VASH1: variants seen among roughly 807,000 people sequenced by gnomAD.
The protein encoded by VASH1 is tubulinyl-Tyr carboxypeptidase 1.
In VASH1, 16 loss-of-function variants were observed where a neutral mutation model predicts 35.0. That is an observed-to-expected ratio of 0.46 (90% CI 0.31 to 0.70). The LOEUF is 0.70. VASH1 is among the 30% of genes least tolerant of loss of function. The pLI is 0.05. For missense variants in VASH1, 505 were observed against 510.7 expected (o/e 0.99, Z 0.11); for synonymous variants, 214 against 200.9 (o/e 1.07, Z -0.55).
rs150621455 is a variant in VASH1 at position 76,762,548 on chromosome 14, G to A, written c.-274G>A. 1.6e-5 allele frequency: 5 copies of A among 314,272 alleles called. No individual in the cohort carries two copies. The highest frequency in any genetic ancestry group is 6.4e-5 in the African/African-American group (3 of 46,794). The allele number at this position is 314,272 out of a possible 1,614,324, so 19.5% of individuals were successfully genotyped here. A position where few individuals can be genotyped will look rare whatever the true frequency, so the allele number is the denominator to read the frequency against. On this transcript the variant is annotated 5_prime_UTR_variant, in exon 1 of 7. Coordinates refer to ENST00000167106, the MANE Select transcript of VASH1 (RefSeq NM_014909.5). ...AGTTAGATGGGGGTGCTTTGTGACG[G>A]CTGCCAAGTTGGGGTGTGTTCTCTT...
chr14:76,776,529 G>A (rs1411027230), intron 5 of VASH1, among the ~76,000 whole-genome samples: 1 of 152,100 alleles, frequency 6.6e-6, no homozygotes, highest in African/African-American at 2.4e-5. Context: ...GAGAATCACG[G>A]CCTGTCTGGA....
chr14:76,771,274 C>T (rs1439663568), intron 3 of VASH1, 28 bp downstream of exon 3: 1 of 1,570,406 alleles, frequency 6.4e-7, no homozygotes, highest in Non-Finnish European at 8.6e-7. Flanking sequence ...AGTCCTCTGC[C>T]CCAGGGCTGG....
At chr14:76,769,932 C>T (rs199598173) in intron 1 of VASH1, 31 bp from the exon 2 acceptor site, 2 of 1,608,982 alleles carry the variant, frequency 1.2e-6, no homozygotes, top group African/African-American at 1.3e-5. Flanking sequence ...TGAGCCTCTT[C>T]TTGTGACCGG....
chr14:76,780,334 G>C lies in VASH1; in HGVS notation c.*1316G>C, dbSNP rs1469203662. ...GATCAGGCTGCTTGAGGAGTAATGG[G>C]TTACCTACAGCAGAGACGAGATGGC... is the stretch of plus-strand genomic sequence containing the variant. On this transcript the variant is annotated 3_prime_UTR_variant, in exon 7 of 7. Coordinates refer to ENST00000167106, the MANE Select transcript of VASH1 (RefSeq NM_014909.5). 1 of 152,408 alleles carries C rather than the reference G, an allele frequency of 6.6e-6. No homozygotes were observed. Among genetic ancestry groups the C allele is most frequent in the Non-Finnish European group, 1.5e-5 (1 of 68,180 alleles). 9.4% of individuals were successfully genotyped at this position (152,408 alleles called of 1,614,324 possible).
Position 76,762,489 on chromosome 14 carries a change from G to A in VASH1, c.-333G>A. The A allele has an allele frequency of 4.9e-6, 1 of 204,616 alleles. No individual in the cohort carries two copies. The highest frequency in any genetic ancestry group is 9.7e-6 in the Non-Finnish European group (1 of 103,214). The allele number at this position is 204,616 out of a possible 1,614,324, so 12.7% of individuals were successfully genotyped here. A position where few individuals can be genotyped will look rare whatever the true frequency, so the allele number is the denominator to read the frequency against. ...TTTCCCTCCGACTTTTCTCCGCTCT[G>A]CCAGCCCTCACTGCTGCCCGTCATT... On this transcript the variant is annotated 5_prime_UTR_variant, in exon 1 of 7. Transcript: ENST00000167106.
Position 76,763,483 on chromosome 14 carries a change from A to G in VASH1, c.309+353A>G, listed in dbSNP as rs143480065. Among the ~76,000 whole-genome samples the G allele has an allele frequency of 9.2e-5, 14 of 152,374 alleles. No homozygotes were observed. The East Asian group carries it at 2.5e-3, about 27-fold the overall frequency. On this transcript the variant is annotated intron_variant, in intron 1 of 6. Coordinates refer to ENST00000167106, the MANE Select transcript of VASH1 (RefSeq NM_014909.5). ...GAACTGTGAGCAGACAAATGTAATG[A>G]ATGACTAAGGAGATGCAGGGCTTCA... is the stretch of plus-strand genomic sequence containing the variant.
At position 76,770,019 on chromosome 14, in the gene VASH1, G is replaced by A. The variant is rs1156272896; in HGVS notation, c.366G>A (p.Leu122=). 3 of 1,613,988 alleles carry A rather than the reference G, an allele frequency of 1.9e-6. No individual in the cohort carries two copies. The highest frequency in any genetic ancestry group is 1.1e-5 in the South Asian group (1 of 91,090). The part of the protein sequence containing the change: ...FQPSTPVPER[L]EAVQRYIREL... ...CGTCTACACCTGTCCCTGAGCGCCT[G>A]GAAGCTGTGCAGCGCTACATCAGAG... is the stretch of plus-strand genomic sequence containing the variant. The change falls in exon 2 of 7, where the codon CTG becomes CTA. Residue 122 remains leucine (L), a synonymous_variant. Transcript: ENST00000167106.
chr14:76,771,319 G>A, intron 3 of VASH1, 73 bp downstream of exon 3: 1 of 1,393,758 alleles, frequency 7.2e-7, no homozygotes, highest in Non-Finnish European at 9.5e-7. Context: ...AGTGCACCTT[G>A]GAGAGGAAGT....
rs1362829530 is a variant in VASH1 at position 76,762,701 on chromosome 14, C to A, written c.-121C>A. On this transcript the variant is annotated 5_prime_UTR_variant, in exon 1 of 7. Transcript: ENST00000167106. The stretch of plus-strand genomic sequence containing the variant: ...CGTATTTTATTGTACAGGAGCCACG[C>A]CCTGATTTCTTAAAGGCGCCTTGCA... The A allele has an allele frequency of 5.9e-6, 5 of 844,010 alleles. No homozygotes were observed. The highest frequency in any genetic ancestry group is 8.6e-6 in the Non-Finnish European group (5 of 582,544). The allele number at this position is 844,010 out of a possible 1,614,324, so 52.3% of individuals were successfully genotyped here.
At chr14:76,768,335 A>G (rs1160082420) in intron 1 of VASH1, among the ~76,000 whole-genome samples, 1 of 151,638 alleles carries the variant, frequency 6.6e-6, no homozygotes, top group Non-Finnish European at 1.5e-5. Context: ...GGGGAGGGGG[A>G]GCAATGTGAA....
chr14:76,778,172 CTCTT>C (rs1894000104), intron 6 of VASH1, 101 bp downstream of exon 6: 2 of 859,678 alleles, frequency 2.3e-6, no homozygotes, highest in South Asian at 5.1e-5. Context: ...CCACCCTTCT[CTCTT>C]TTTCGCTCCC....
rs1893532761 is a variant in VASH1 at position 76,762,629 on chromosome 14, C to G, written c.-193C>G. The stretch of plus-strand genomic sequence containing the variant: ...CAAGGCTGACCCCAGACAACCCACC[C>G]CCTCGGACCCTAATTCACCTTATTG... On this transcript the variant is annotated 5_prime_UTR_variant, in exon 1 of 7. Coordinates refer to ENST00000167106, the MANE Select transcript of VASH1 (RefSeq NM_014909.5). The G allele has an allele frequency of 2.2e-6, 1 of 448,376 alleles. No individual in the cohort carries two copies. The allele number at this position is 448,376 out of a possible 1,614,324, so 27.8% of individuals were successfully genotyped here. A position where few individuals can be genotyped will look rare whatever the true frequency, so the allele number is the denominator to read the frequency against.
In VASH1 at chr14:76,771,264, A is replaced by G; in HGVS notation, c.455+18A>G. On this transcript the variant is annotated intron_variant, in intron 3 of 6. Transcript: ENST00000167106. ...CTGACAGGGTAAGTATGGGGAGGCC[A>G]GTCCTCTGCCCCAGGGCTGGCTTGG... 1 of 1,588,864 alleles carries G rather than the reference A, an allele frequency of 6.3e-7. No homozygotes were observed. The highest frequency in any genetic ancestry group is 8.6e-7 in the Non-Finnish European group (1 of 1,167,992).
At position 76,779,902 on chromosome 14, in the gene VASH1, G is replaced by T; in HGVS notation, c.*884G>T. The T allele has an allele frequency of 3.8e-6, 1 of 264,152 alleles. No individual in the cohort carries two copies. 16.4% of individuals were successfully genotyped at this position (264,152 alleles called of 1,614,324 possible). ...TCCAGGAGCTGTGGCTGGACATGGG[G>T]TGATGGGGCGGGATGCTTGGGCCTG... On this transcript the variant is annotated 3_prime_UTR_variant, in exon 7 of 7. Transcript: ENST00000167106.
chr14:76,775,804 G>A (rs1005830350), intron 4 of VASH1, 88 bp from the exon 5 acceptor site: 8 of 1,465,776 alleles, frequency 5.5e-6, no homozygotes, highest in African/African-American at 1.4e-5. Flanking sequence ...CTGGCGGTGC[G>A]TGGACCCCGT....
chr14:76,769,558 T>C, intron 1 of VASH1: 1 of 1,160,818 alleles, frequency 8.6e-7, no homozygotes, highest in Admixed American at 2.5e-5. Flanking sequence ...ACCCCGGATA[T>C]ACCAGCTTTG....
chr14:76,768,123 C>T lies in VASH1; in HGVS notation c.310-1840C>T, dbSNP rs115236850. Among the ~76,000 whole-genome samples, 555 of 152,348 alleles carry T rather than the reference C, an allele frequency of 3.6e-3. 5 individuals carry two copies. The highest frequency in any genetic ancestry group is 0.013 in the African/African-American group (521 of 41,594). On this transcript the variant is annotated intron_variant, in intron 1 of 6. Coordinates refer to ENST00000167106, the MANE Select transcript of VASH1 (RefSeq NM_014909.5). The stretch of plus-strand genomic sequence containing the variant: ...GCTGCCACCTGCAGAGATCAGGTGA[C>T]TGGGTGGATGTGCCATGCTATTTAA...
chr14:76,778,478 A>G (rs1355288260), intron 6 of VASH1, among the ~76,000 whole-genome samples: 1 of 152,168 alleles, frequency 6.6e-6, no homozygotes, highest in Non-Finnish European at 1.5e-5. Flanking sequence ...CCATTGAAAT[A>G]CCAGCTCTCC....
In VASH1 at chr14:76,781,975, T is replaced by G. The variant is rs1415115136; in HGVS notation, c.*2957T>G. ...AGCTCCCCCCAGTTCAGGACTGTCT[T>G]TCAGCTCCTTTGCCCCTGGAGGTGG... On this transcript the variant is annotated 3_prime_UTR_variant, in exon 7 of 7. Coordinates refer to ENST00000167106, the MANE Select transcript of VASH1 (RefSeq NM_014909.5). 6.6e-6 allele frequency: 1 copy of G among 152,590 alleles called. No homozygotes were observed. The highest frequency in any genetic ancestry group is 2.4e-5 in the African/African-American group (1 of 41,428). 9.5% of individuals were successfully genotyped at this position (152,590 alleles called of 1,614,324 possible).
Sources: allele counts gnomAD v4.1 joint callset (sites outside exome capture counted in the v4.1 genomes callset), GRCh38; gene constraint gnomAD v4.1.1; transcripts MANE v1.5; gene names NCBI Gene and HGNC (gene_info 2026-07-23, HGNC 2026-07-21).